Variants in EPHX4 observed in about 807,000 individuals in gnomAD.
The protein encoded by EPHX4 is epoxide hydrolase 4, also known as abhydrolase domain containing 7.
A neutral mutation model predicts 44.9 loss-of-function variants in EPHX4; 31 were observed. The observed-to-expected ratio is 0.69, with a 90% confidence interval of 0.52 to 0.93. EPHX4 has a LOEUF of 0.93. EPHX4 is among the 40% of genes least tolerant of loss of function. The pLI, the probability that EPHX4 is intolerant of heterozygous loss-of-function variation, is 0.00. For synonymous variants in EPHX4, 151 were observed against 159.7 expected, an observed-to-expected ratio of 0.95 and a Z score of 0.41; for missense variants, 373 against 438.1, an observed-to-expected ratio of 0.85 and a Z score of 1.33.
At chr1:92,030,382 TCTC>T (rs1411009363) in intron 1 of EPHX4, 72 bp downstream of exon 1, 5 of 1,354,324 alleles carry the variant, frequency 3.7e-6, no homozygotes, top group East Asian at 2.6e-5. Context: ...GCTCCGGGCT[TCTC>T]CTTCCGAGAC....
chr1:92,050,928 G>T (rs866489787), intron 5 of EPHX4, among the ~76,000 whole-genome samples: 3 of 152,094 alleles, frequency 2.0e-5, no homozygotes, highest in African/African-American at 7.2e-5. Flanking sequence ...AACCTCCCAG[G>T]CTCAAGCAAT....
chr1:92,063,336 T>C lies in EPHX4; in HGVS notation c.*50T>C. 1 of 1,346,692 alleles carries C rather than the reference T, an allele frequency of 7.4e-7. No homozygotes were observed. 83.4% of individuals were successfully genotyped at this position (1,346,692 alleles called of 1,614,324 possible). A position where few individuals can be genotyped will look rare whatever the true frequency, so the allele number is the denominator to read the frequency against. On this transcript the variant is annotated 3_prime_UTR_variant, in exon 7 of 7. Transcript: ENST00000370383. ...TCTGTAATGAAATCTCTAAATAATT[T>C]TTAAAAATTGTTCATCAACTTCTTT...
intron 2 of EPHX4, among the ~76,000 whole-genome samples, chr1:92,039,570 G>A (rs763474157): frequency 1.3e-5 from 2 of 152,098 alleles, no homozygotes; most frequent in African/African-American, 2.4e-5. Context: ...AAGGAAACAA[G>A]CTACTTTATT....
At chr1:92,062,982 A>G (rs1647531904) in intron 6 of EPHX4, 73 bp from the exon 7 acceptor site, 1 of 1,300,686 alleles carries the variant, frequency 7.7e-7, no homozygotes, top group South Asian at 1.3e-5. Context: ...TGTATGACCT[A>G]CTGGGGCACT....
At position 92,039,545 on chromosome 1, in the gene EPHX4, C is replaced by T. The variant is rs549503723; in HGVS notation, c.318-3278C>T. On this transcript the variant is annotated intron_variant, in intron 2 of 6. Coordinates refer to ENST00000370383, the MANE Select transcript of EPHX4 (RefSeq NM_173567.5). The stretch of plus-strand genomic sequence containing the variant: ...GAAAAAATACAATCACATGTGTTGA[C>T]AGATGAGTATCTTTAAGGAAACAAG... Among the ~76,000 whole-genome samples the T allele has an allele frequency of 1.8e-4, 27 of 152,160 alleles. 1 individual carries two copies. Among genetic ancestry groups the T allele is most frequent in the Non-Finnish European group, 3.4e-4 (23 of 68,038 alleles).
At chr1:92,044,029 G>A (rs183137196) in intron 3 of EPHX4, among the ~76,000 whole-genome samples, 274 of 152,194 alleles carry the variant, frequency 1.8e-3, no homozygotes, top group Middle Eastern at 0.014. Context: ...AGGGAGAAGG[G>A]GAAAGTAAAT....
chr1:92,039,843 G>A (rs1420902302), intron 2 of EPHX4, among the ~76,000 whole-genome samples: 2 of 152,022 alleles, frequency 1.3e-5, no homozygotes, highest in African/African-American at 4.8e-5. Flanking sequence ...TAGTAGAGAC[G>A]TGGTTTCACC....
intron 6 of EPHX4, among the ~76,000 whole-genome samples, chr1:92,058,945 A>T (rs187281841): frequency 6.6e-6 from 1 of 152,246 alleles, no homozygotes; most frequent in East Asian, 1.9e-4. Context: ...CTGCTTTATG[A>T]AACCATCTTT....
rs780147383 is a variant in EPHX4 at position 92,030,324 on chromosome 1, C to A, written c.231+14C>A. 2.0e-6 allele frequency: 3 copies of A among 1,497,872 alleles called. No homozygotes were observed. In the African/African-American group the frequency reaches 4.2e-5, roughly 21 times the overall value. The allele number at this position is 1,497,872 out of a possible 1,614,324, so 92.8% of individuals were successfully genotyped here. On this transcript the variant is annotated intron_variant, in intron 1 of 6. Coordinates refer to ENST00000370383, the MANE Select transcript of EPHX4 (RefSeq NM_173567.5). ...GTGCGGATCAAGGTGAAGGGCCGCG[C>A]GGGCCTGGCGGGAGCGGGAGGGAGC...
At position 92,030,439 on chromosome 1, in the gene EPHX4, G is replaced by A. The variant is rs563846633; in HGVS notation, c.231+129G>A. On this transcript the variant is annotated intron_variant, in intron 1 of 6. Coordinates refer to ENST00000370383, the MANE Select transcript of EPHX4 (RefSeq NM_173567.5). ...AGTGTCCTGGCAGGAGGGGAGGAGG[G>A]GTTGGGTCCCTGTGTGTCGTGTGTG... The A allele has an allele frequency of 4.3e-5, 29 of 672,084 alleles. No individual in the cohort carries two copies. In the Admixed American group the frequency reaches 7.4e-4, roughly 17 times the overall value. 41.6% of individuals were successfully genotyped at this position (672,084 alleles called of 1,614,324 possible).
chr1:92,060,839 G>T (rs1264816541), intron 6 of EPHX4, among the ~76,000 whole-genome samples: 2 of 151,686 alleles, frequency 1.3e-5, no homozygotes, highest in Non-Finnish European at 2.9e-5. Flanking sequence ...GTTTGGTTTT[G>T]AACATTATTG....
At chr1:92,054,508 A>G (rs1647322785) in intron 6 of EPHX4, among the ~76,000 whole-genome samples, 1 of 151,384 alleles carries the variant, frequency 6.6e-6, no homozygotes, top group Non-Finnish European at 1.5e-5. Flanking sequence ...GAATCGCTTG[A>G]ACCTGGGAGG....
chr1:92,039,810 C>T (rs777583855), intron 2 of EPHX4, among the ~76,000 whole-genome samples: 9 of 151,920 alleles, frequency 5.9e-5, no homozygotes, highest in African/African-American at 1.5e-4. Flanking sequence ...TCCGCCACCA[C>T]GCCTGGCTAA....
intron 3 of EPHX4, among the ~76,000 whole-genome samples, chr1:92,044,122 G>A (rs1016430716): frequency 1.3e-5 from 2 of 152,118 alleles, no homozygotes; most frequent in African/African-American, 2.4e-5. Flanking sequence ...GTTAATGGAA[G>A]CAATATAGTG....
intron 6 of EPHX4, among the ~76,000 whole-genome samples, chr1:92,054,910 A>G (rs1412755186): frequency 1.3e-5 from 2 of 152,152 alleles, no homozygotes; most frequent in Admixed American, 6.5e-5. Context: ...CCCAGAATGT[A>G]GCTTAGAGAG....
intron 5 of EPHX4, among the ~76,000 whole-genome samples, chr1:92,050,988 A>G (rs547736419): frequency 7.0e-4 from 106 of 152,136 alleles, no homozygotes; most frequent in Non-Finnish European, 1.3e-3. Context: ...ATGTGCCACC[A>G]TGCCCCGCTA....
intron 3 of EPHX4, among the ~76,000 whole-genome samples, chr1:92,045,085 C>G (rs1688565050): frequency 6.6e-6 from 1 of 152,118 alleles, no homozygotes; most frequent in Admixed American, 6.5e-5. Flanking sequence ...ACTCCAGGCT[C>G]TACAGTTGCT....
At position 92,061,026 on chromosome 1, in the gene EPHX4, G is replaced by A. The variant is rs545796255; in HGVS notation, c.858-2029G>A. Among the ~76,000 whole-genome samples, 428 of 152,018 alleles carry A rather than the reference G, an allele frequency of 2.8e-3. 1 individual carries two copies. Among genetic ancestry groups the A allele is most frequent in the African/African-American group, 9.1e-3 (375 of 41,436 alleles). ...CTCCCAAGTAGCTGGGATTACAGGC[G>A]TAAGCCATCACACCCGGCTAATTTT... On this transcript the variant is annotated intron_variant, in intron 6 of 6. Transcript: ENST00000370383.
intron 4 of EPHX4, among the ~76,000 whole-genome samples, chr1:92,047,662 G>A (rs1379965633): frequency 6.6e-6 from 1 of 152,206 alleles, no homozygotes; most frequent in African/African-American, 2.4e-5. Context: ...TGCCACCAGT[G>A]TGTGGTGGTG....
Sources: gnomAD v4.1 joint callset for allele counts (sites outside exome capture counted in the v4.1 genomes callset) on GRCh38, gnomAD v4.1.1 for gene constraint, MANE v1.5 for transcripts, NCBI Gene and HGNC (gene_info 2026-07-23, HGNC 2026-07-21) for gene names.